The following BMP6 variants were observed in gnomAD, a reference collection of about 807,000 sequenced individuals.
The protein encoded by BMP6 is VG-1-R.
In BMP6, 17 loss-of-function variants were observed where a neutral mutation model predicts 54.1. The ratio of observed to expected loss-of-function variants is 0.31; its 90% CI spans 0.22 to 0.47. BMP6 has a LOEUF of 0.47. BMP6 is among the 20% of genes least tolerant of loss of function. The probability of loss-of-function intolerance (pLI) is 1.00; values close to 1 mark genes in which losing one functional copy is unlikely to be tolerated. For synonymous variants in BMP6, 328 were observed against 291.2 expected (o/e 1.13, Z -1.28); for missense variants, 720 against 690.4 (o/e 1.04, Z -0.48).
chr6:7,871,281 G>A (rs1250948190), intron 4 of BMP6, among the ~76,000 whole-genome samples: 4 of 152,216 alleles, frequency 2.6e-5, no homozygotes, highest in Non-Finnish European at 4.4e-5. Flanking sequence ...AATTGTACCT[G>A]AAGGTTTCCC....
At chr6:7,855,549 CTCTCTTTTT>C (rs1759212664) in intron 2 of BMP6, among the ~76,000 whole-genome samples, 1 of 115,282 alleles carries the variant, frequency 8.7e-6, no homozygotes, top group African/African-American at 3.4e-5. Context: ...CTCTCTCTCT[CTCTCTTTTT>C]TTTTTTTTTT....
intron 1 of BMP6, among the ~76,000 whole-genome samples, chr6:7,792,664 A>T (rs1300110868): frequency 6.6e-6 from 1 of 152,224 alleles, no homozygotes; most frequent in Non-Finnish European, 1.5e-5. Flanking sequence ...TTTTTCATGG[A>T]TGGTCTGTAG....
At chr6:7,746,776 G>A (rs1442082536) in intron 1 of BMP6, among the ~76,000 whole-genome samples, 1 of 152,192 alleles carries the variant, frequency 6.6e-6, no homozygotes, top group Non-Finnish European at 1.5e-5. Flanking sequence ...CTGCCGTCAC[G>A]GTGCAGACGG....
intron 1 of BMP6, among the ~76,000 whole-genome samples, chr6:7,729,295 TTCCTC>T (rs1435957011): frequency 6.6e-6 from 1 of 152,146 alleles, no homozygotes; most frequent in Non-Finnish European, 1.5e-5. Flanking sequence ...CCTTGCTCTC[TTCCTC>T]TCCTCTCCTT....
intron 1 of BMP6, among the ~76,000 whole-genome samples, chr6:7,807,478 A>G (rs999907303): frequency 6.6e-6 from 1 of 152,132 alleles, no homozygotes; most frequent in East Asian, 1.9e-4. Flanking sequence ...ACGGGGTTTC[A>G]CCATGTTGGC....
At chr6:7,754,884 A>AT (rs1485290056) in intron 1 of BMP6, among the ~76,000 whole-genome samples, 2 of 151,872 alleles carry the variant, frequency 1.3e-5, no homozygotes, top group Non-Finnish European at 2.9e-5. Flanking sequence ...CGCCCGGCTA[A>AT]TTTTTTTGTA....
intron 1 of BMP6, among the ~76,000 whole-genome samples, chr6:7,807,913 CTTTT>C (rs755894743): frequency 0.014 from 1,168 of 81,426 alleles, 8 homozygotes; most frequent in African/African-American, 0.054. Context: ...GAAGTCTTTA[CTTTT>C]TTTTTTTTTT....
At chr6:7,733,213 A>T (rs1313603520) in intron 1 of BMP6, among the ~76,000 whole-genome samples, 1 of 152,122 alleles carries the variant, frequency 6.6e-6, no homozygotes, top group East Asian at 1.9e-4. Flanking sequence ...GCCAGGAATG[A>T]CTATTGTTTA....
chr6:7,755,881 C>T (rs543378105), intron 1 of BMP6, among the ~76,000 whole-genome samples: 2 of 152,076 alleles, frequency 1.3e-5, no homozygotes, highest in South Asian at 4.1e-4. Context: ...GACTTCTACC[C>T]TGGATGGCCT....
At chr6:7,833,885 GGGCCTCCTGCTAAAAAACGACAAGAT>G (rs1758829533) in intron 1 of BMP6, among the ~76,000 whole-genome samples, 1 of 152,186 alleles carries the variant, frequency 6.6e-6, no homozygotes, top group Non-Finnish European at 1.5e-5. Flanking sequence ...ATCATCTGCA[GGGCCTCCTGCTAAAAAACGACAAGAT>G]CCAGGATAAA....
chr6:7,799,458 G>A (rs140466706), intron 1 of BMP6, among the ~76,000 whole-genome samples: 179 of 152,152 alleles, frequency 1.2e-3, no homozygotes, highest in African/African-American at 4.0e-3. Flanking sequence ...TTTTGAAGAA[G>A]GGCTATTTGA....
At chr6:7,746,432 G>A (rs79185191) in intron 1 of BMP6, among the ~76,000 whole-genome samples, 2,484 of 152,262 alleles carry the variant, frequency 0.016, 36 homozygotes, top group Non-Finnish European at 0.027. Context: ...TTTTGCAATT[G>A]TCTAGGTAAC....
Position 7,727,280 on chromosome 6 carries a change from C to T in BMP6, c.325C>T (p.Gln109Ter). ...ACAGCCGCAGCCCCCGGCGCTCCGGCAGCAGGAGGAGCAGCAGCAGCAGCA... is the reference window on the plus strand; with the variant it reads ...ACAGCCGCAGCCCCCGGCGCTCCGGTAGCAGGAGGAGCAGCAGCAGCAGCA... ...LQQPQPPALR[Q>*]QEEQQQQQQL... The change falls in exon 1 of 7, where the codon CAG (glutamine) becomes TAG (stop). Residue 109 changes from glutamine (Q) to a stop codon, truncating the protein, a stop_gained. Coordinates refer to ENST00000283147, the MANE Select transcript of BMP6 (RefSeq NM_001718.6). LOFTEE classifies it high-confidence loss of function. 6.2e-7 allele frequency: 1 copy of T among 1,606,150 alleles called. No homozygotes were observed. The highest frequency in any genetic ancestry group is 8.5e-7 in the Non-Finnish European group (1 of 1,177,048).
intron 1 of BMP6, among the ~76,000 whole-genome samples, chr6:7,813,657 A>C (rs1486650588): frequency 8.3e-5 from 12 of 144,336 alleles, no homozygotes; most frequent in African/African-American, 3.1e-4. Flanking sequence ...AAAAAAAAAA[A>C]AAAAAAAAAA....
chr6:7,858,364 C>A (rs544191900), intron 2 of BMP6, among the ~76,000 whole-genome samples: 48 of 152,304 alleles, frequency 3.2e-4, no homozygotes, highest in Non-Finnish European at 2.2e-4. Context: ...GTATTACAGG[C>A]ATGAGCCACC....
At chr6:7,824,316 GA>G (rs1334939505) in intron 1 of BMP6, among the ~76,000 whole-genome samples, 1 of 152,186 alleles carries the variant, frequency 6.6e-6, no homozygotes. Context: ...GCCACTTTGA[GA>G]AAAGGCAGTG....
At position 7,735,070 on chromosome 6, in the gene BMP6, G is replaced by T. The variant is rs1447926659; in HGVS notation, c.664+7451G>T. ...CAAAGAGCTCAGCTGGCCACGGGGG[G>T]AAGTGGAGTGGAGTGGATTCACAGG... On this transcript the variant is annotated intron_variant, in intron 1 of 6. Coordinates refer to ENST00000283147, the MANE Select transcript of BMP6 (RefSeq NM_001718.6). 2.0e-5 allele frequency among the ~76,000 whole-genome samples: 3 copies of T among 152,228 alleles called. 1 individual carries two copies. In the South Asian group the frequency reaches 6.2e-4, roughly 32 times the overall value.
At chr6:7,844,878 G>A (rs766347396) in intron 1 of BMP6, among the ~76,000 whole-genome samples, 1 of 152,136 alleles carries the variant, frequency 6.6e-6, no homozygotes, top group Non-Finnish European at 1.5e-5. Flanking sequence ...TTGCTCTCAT[G>A]CAAATTCATT....
At chr6:7,799,048 C>A (rs1758232840) in intron 1 of BMP6, among the ~76,000 whole-genome samples, 2 of 152,138 alleles carry the variant, frequency 1.3e-5, no homozygotes, top group African/African-American at 2.4e-5. Context: ...TGGTCAGTAG[C>A]CGAAGAGTAA....
Sources: gnomAD v4.1 joint callset for allele counts (sites outside exome capture counted in the v4.1 genomes callset) on GRCh38, gnomAD v4.1.1 for gene constraint, MANE v1.5 for transcripts, NCBI Gene and HGNC (gene_info 2026-07-23, HGNC 2026-07-21) for gene names.